The following TRANK1 variants were observed in gnomAD, a reference collection of about 807,000 sequenced individuals.
TRANK1 encodes TPR and ankyrin repeat-containing protein 1.
A neutral mutation model predicts 266.0 loss-of-function variants in TRANK1; 198 were observed. That is an observed-to-expected ratio of 0.74 (90% CI 0.66 to 0.84). TRANK1 has a LOEUF of 0.84. Among genes scored for constraint, TRANK1 ranks in the 40% least tolerant of loss-of-function variants. The pLI is 0.00. For missense variants in TRANK1, 3,326 were observed against 3,634.6 expected, an observed-to-expected ratio of 0.92 and a Z score of 2.18; for synonymous variants, 1,396 against 1,384.1, an observed-to-expected ratio of 1.01 and a Z score of -0.19.
intron 4 of TRANK1, among the ~76,000 whole-genome samples, chr3:36,896,064 C>T (rs2079785476): frequency 6.6e-6 from 1 of 152,164 alleles, no homozygotes; most frequent in Admixed American, 6.6e-5. Context: ...AAGGAAGTGC[C>T]TATTATCTCC....
chr3:36,886,789 G>C (rs1405160330), intron 8 of TRANK1, among the ~76,000 whole-genome samples: 1 of 151,882 alleles, frequency 6.6e-6, no homozygotes, highest in Non-Finnish European at 1.5e-5. Context: ...GCACGCATCT[G>C]TACTCCCAGC....
Position 36,911,805 on chromosome 3 carries a change from A to G in TRANK1, c.24-3351T>C, listed in dbSNP as rs148715707. ...ATGAAATTATTAAATAAAAGTGGTA[A>G]TAATTTACCATAATGACAATATTCT... On this transcript the variant is annotated intron_variant, in intron 1 of 23. Transcript: ENST00000645898. Among the ~76,000 whole-genome samples, 306 of 152,378 alleles carry G rather than the reference A, an allele frequency of 2.0e-3. 2 individuals are homozygous for G. The highest frequency in any genetic ancestry group is 6.9e-3 in the African/African-American group (286 of 41,598).
intron 1 of TRANK1, among the ~76,000 whole-genome samples, chr3:36,934,927 C>A (rs2080404463): frequency 6.6e-6 from 1 of 152,146 alleles, no homozygotes; most frequent in Admixed American, 6.5e-5. Flanking sequence ...CCTTGCCAGG[C>A]TGGATTACTG....
At chr3:36,842,866 G>C (rs1184869538) in intron 17 of TRANK1, among the ~76,000 whole-genome samples, 156 bp from the exon 18 acceptor site, 1 of 152,226 alleles carries the variant, frequency 6.6e-6, no homozygotes, top group Admixed American at 6.5e-5. Context: ...TTTGGAGAGA[G>C]ATAGGGCCTT....
At chr3:36,924,025 C>A (rs1049192658) in intron 1 of TRANK1, among the ~76,000 whole-genome samples, 1 of 152,200 alleles carries the variant, frequency 6.6e-6, no homozygotes, top group African/African-American at 2.4e-5. Context: ...CAGGTGCTCT[C>A]TTTCTCACTC....
At chr3:36,913,889 C>A (rs965939867) in intron 1 of TRANK1, among the ~76,000 whole-genome samples, 2 of 152,042 alleles carry the variant, frequency 1.3e-5, no homozygotes, top group African/African-American at 4.8e-5. Flanking sequence ...TAAGGCATTA[C>A]CAGTGCAACT....
intron 10 of TRANK1, among the ~76,000 whole-genome samples, chr3:36,861,769 G>C (rs1395473825): frequency 6.7e-6 from 1 of 148,746 alleles, no homozygotes; most frequent in East Asian, 2.0e-4. Context: ...ACAGTGGCGC[G>C]ATCTCGGCTC....
chr3:36,846,955 C>T (rs1237103742), intron 16 of TRANK1, among the ~76,000 whole-genome samples: 4 of 152,152 alleles, frequency 2.6e-5, no homozygotes, highest in Non-Finnish European at 4.4e-5. Context: ...CAGAGGTGAA[C>T]TAGAAAGGAC....
chr3:36,836,997 G>A (rs1488036987), intron 20 of TRANK1, among the ~76,000 whole-genome samples: 1 of 152,178 alleles, frequency 6.6e-6, no homozygotes, highest in Non-Finnish European at 1.5e-5. Flanking sequence ...CAGTCACCAA[G>A]GCCCTACTGA....
chr3:36,883,036 G>A (rs770999212), intron 8 of TRANK1, among the ~76,000 whole-genome samples: 4 of 151,940 alleles, frequency 2.6e-5, no homozygotes, highest in African/African-American at 4.8e-5. Flanking sequence ...CGGTGGTAAC[G>A]CAAATTGGTA....
intron 1 of TRANK1, among the ~76,000 whole-genome samples, chr3:36,934,296 A>G (rs1161205714): frequency 6.6e-6 from 1 of 152,218 alleles, no homozygotes; most frequent in African/African-American, 2.4e-5. Context: ...GGGTAAAAGA[A>G]TATAATGCCT....
intron 1 of TRANK1, among the ~76,000 whole-genome samples, chr3:36,913,455 TCTCTCCTCTC>T (rs139652709): frequency 1.3e-4 from 20 of 151,306 alleles, no homozygotes; most frequent in African/African-American, 4.4e-4. Flanking sequence ...TTGCTTTGTT[TCTCTCCTCTC>T]CTCTCCTCTC....
intron 12 of TRANK1, 42 bp from the exon 13 acceptor site, chr3:36,858,091 T>C: frequency 2.1e-6 from 3 of 1,440,274 alleles, no homozygotes; most frequent in Non-Finnish European, 2.8e-6. Context: ...TGAGCCACTC[T>C]TCTTAGGGGA....
intron 9 of TRANK1, 72 bp from the exon 10 acceptor site, chr3:36,864,552 A>G (rs2125558157): frequency 7.2e-7 from 1 of 1,394,544 alleles, no homozygotes; most frequent in African/African-American, 1.4e-5. Flanking sequence ...AAATAACCAC[A>G]ATTCTCCAAC....
rs775397087 is a variant in TRANK1, at chr3:36,852,221, A to T, written c.4674T>A (p.Cys1558Ter). The stretch of plus-strand genomic sequence containing the variant: ...GCAAAATTGCCAAGTCGCTTACACT[A>T]CAAGACTCCAGAACAGTTGGCTTAG... Reference protein sequence around the residue: ...DGPKPTVLESCSVSDLAILLR... With the variant: ...DGPKPTVLES Residue 1558 changes from cysteine (C) to a stop codon, truncating the protein, a stop_gained, in exon 14 of 24, where the codon TGT becomes TGA. Coordinates refer to ENST00000645898, the MANE Select transcript of TRANK1 (RefSeq NM_001329998.2). LOFTEE classifies it high-confidence loss of function. The T allele has an allele frequency of 6.2e-7, 1 of 1,613,256 alleles. No individual in the cohort carries two copies. Among genetic ancestry groups the T allele is most frequent in the Non-Finnish European group, 8.5e-7 (1 of 1,179,736 alleles).
rs1234718557 is a variant in TRANK1, at chr3:36,892,978, G to A, written c.559C>T (p.Leu187=). ...LAKKGLWHSF[L]LLSAKKDRLP... ...CGGTCTTTTTTTGCTGACAGAAGCAGAAATGACTGGTGGGAGAAGACAGAA... is the reference window on the plus strand; with the variant it reads ...CGGTCTTTTTTTGCTGACAGAAGCAAAAATGACTGGTGGGAGAAGACAGAA... The change falls in exon 6 of 24, where the codon CTG becomes TTG. Residue 187 remains leucine (L), a synonymous_variant. Transcript: ENST00000645898. 5 of 1,499,882 alleles carry A rather than the reference G, an allele frequency of 3.3e-6. No homozygotes were observed. Among genetic ancestry groups the A allele is most frequent in the Non-Finnish European group, 4.4e-6 (5 of 1,131,234 alleles). 92.9% of individuals were successfully genotyped at this position (1,499,882 alleles called of 1,614,324 possible).
At chr3:36,828,791 T>TGG (rs2078659591) in intron 23 of TRANK1, among the ~76,000 whole-genome samples, 2 of 152,178 alleles carry the variant, frequency 1.3e-5, no homozygotes, top group African/African-American at 4.8e-5. Flanking sequence ...GGTATACCAA[T>TGG]TCTCTTCCCT....
intron 1 of TRANK1, among the ~76,000 whole-genome samples, chr3:36,924,267 A>G (rs1337031963): frequency 6.6e-6 from 1 of 152,164 alleles, no homozygotes; most frequent in East Asian, 1.9e-4. Flanking sequence ...GCTCTTTTCT[A>G]ATAGGTGGAA....
In TRANK1 at chr3:36,915,045, G is replaced by A. The variant is rs571184819; in HGVS notation, c.24-6591C>T. On this transcript the variant is annotated intron_variant, in intron 1 of 23. Transcript: ENST00000645898. Reference sequence around the variant, plus strand: ...CCACTCACTGCAAGCTCCGCCTCCCGGGTTCACGCCATTCTCCTGCCTCAG... The same window carrying A: ...CCACTCACTGCAAGCTCCGCCTCCCAGGTTCACGCCATTCTCCTGCCTCAG... Among the ~76,000 whole-genome samples, 6 of 152,192 alleles carry A rather than the reference G, an allele frequency of 3.9e-5. No individual in the cohort carries two copies. The East Asian group carries it at 7.7e-4, about 20-fold the overall frequency.
Sources: allele counts gnomAD v4.1 joint callset (sites outside exome capture counted in the v4.1 genomes callset), GRCh38; gene constraint gnomAD v4.1.1; transcripts MANE v1.5; gene names NCBI Gene and HGNC (gene_info 2026-07-23, HGNC 2026-07-21).